The following CPZ variants were observed in gnomAD, a reference collection of about 807,000 sequenced individuals.
CPZ encodes the protein carboxypeptidase Z.
CPZ carries 103 observed loss-of-function variants against 61.8 expected under a neutral mutation model. The observed-to-expected ratio is 1.67, with a 90% CI of 1.42 to 1.96. CPZ has a LOEUF of 1.96. CPZ is among the 30% of genes most tolerant of loss of function. The pLI, the probability that CPZ is intolerant of heterozygous loss-of-function variation, is 0.00. For synonymous variants in CPZ, 551 were observed against 373.7 expected (o/e 1.47, Z -5.47); for missense variants, 1,461 against 914.9 (o/e 1.60, Z -7.70).
At position 8,607,383 on chromosome 4, in the gene CPZ, C is replaced by A. The variant is rs961343700; in HGVS notation, c.1185C>A (p.His395Gln). The stretch of plus-strand genomic sequence containing the variant: ...CCTACCCCTTCGACTTCTCCAAGCA[C>A]CCCCAGGAGGAGAAGATGTTTTCTC... ...VVSYPFDFSK[H>Q]PQEEKMFSPT... The change falls in exon 7 of 11, where the codon CAC becomes CAA. Residue 395 changes from histidine to glutamine, a missense_variant. Physicochemically the swap from His to Gln is conservative, Grantham distance 24. Coordinates refer to ENST00000360986, the MANE Select transcript of CPZ (RefSeq NM_001014447.3). The A allele has an allele frequency of 1.9e-6, 3 of 1,614,062 alleles. No homozygotes were observed. Among genetic ancestry groups the A allele is most frequent in the Non-Finnish European group, 2.5e-6 (3 of 1,179,962 alleles).
At chr4:8,611,848 C>T (rs1203831254) in intron 7 of CPZ, among the ~76,000 whole-genome samples, 179 bp from the exon 8 acceptor site, 1 of 152,026 alleles carries the variant, frequency 6.6e-6, no homozygotes, top group Non-Finnish European at 1.5e-5. Context: ...ACCTCTGGGC[C>T]TTCACATACA....
intron 1 of CPZ, among the ~76,000 whole-genome samples, chr4:8,593,247 A>G (rs886703104): frequency 6.6e-6 from 1 of 152,182 alleles, no homozygotes; most frequent in African/African-American, 2.4e-5. Context: ...TCGAGGGAGC[A>G]GGTGCCAGGA....
intron 3 of CPZ, chr4:8,601,834 C>A: frequency 4.3e-6 from 1 of 231,164 alleles, no homozygotes. Flanking sequence ...TGTGGGGGAG[C>A]CTGGGCTCAG....
intron 7 of CPZ, 142 bp downstream of exon 7, chr4:8,607,567 A>T: frequency 1.1e-6 from 1 of 929,506 alleles, no homozygotes; most frequent in Non-Finnish European, 1.6e-6. Context: ...CACCTGCTCC[A>T]GGCCCAGCTC....
chr4:8,618,417 T>A lies in CPZ; in HGVS notation c.1504-12T>A, dbSNP rs765517491. The A allele has an allele frequency of 3.1e-6, 5 of 1,613,592 alleles. No individual in the cohort carries two copies. Among genetic ancestry groups the A allele is most frequent in the Non-Finnish European group, 3.4e-6 (4 of 1,179,736 alleles). On this transcript the variant is annotated splice_polypyrimidine_tract_variant and intron_variant, in intron 9 of 10. Coordinates refer to ENST00000360986, the MANE Select transcript of CPZ (RefSeq NM_001014447.3). Reference sequence around the variant, plus strand: ...TCACGCCATCTCCCTGGCCTCCCCTTGGTCTCTTCAGGTGCACCGGGGCAT... The same window carrying A: ...TCACGCCATCTCCCTGGCCTCCCCTAGGTCTCTTCAGGTGCACCGGGGCAT...
intron 6 of CPZ, 27 bp from the exon 7 acceptor site, chr4:8,607,240 G>C (rs771049806): frequency 5.6e-6 from 9 of 1,609,676 alleles, no homozygotes; most frequent in Non-Finnish European, 5.9e-6. Flanking sequence ...GCCCAGCCCT[G>C]AGGGCGGCCT....
chr4:8,605,532 TTATCCATC>T (rs1431893869), intron 4 of CPZ, among the ~76,000 whole-genome samples: 5 of 149,560 alleles, frequency 3.3e-5, no homozygotes, highest in Non-Finnish European at 2.9e-5. Flanking sequence ...CATCATTGAT[TTATCCATC>T]TATCCATTCA....
rs115078497 is a variant in CPZ, at chr4:8,608,775, C to T, written c.1227+1350C>T. ...GTCTCCACAGGTGAGGTAGAGATTT[C>T]CAGCTGCAGGGCAGGGAGGGGCACT... On this transcript the variant is annotated intron_variant, in intron 7 of 10. Coordinates refer to ENST00000360986, the MANE Select transcript of CPZ (RefSeq NM_001014447.3). 5.3e-3 allele frequency among the ~76,000 whole-genome samples: 757 copies of T among 143,324 alleles called. 4 individuals carry two copies. Among genetic ancestry groups the T allele is most frequent in the African/African-American group, 0.018 (717 of 40,890 alleles). The allele number at this position is 143,324 out of a possible 152,430, so 94.0% of individuals were successfully genotyped here.
At position 8,619,716 on chromosome 4, in the gene CPZ, G is replaced by T; in HGVS notation, c.*99G>T. On this transcript the variant is annotated 3_prime_UTR_variant, in exon 11 of 11. Transcript: ENST00000360986. ...TTGTCTGCCACAGACATCCCACAAA[G>T]CCGCTGCCATTTTATTAAAGTGTTT... 1.1e-6 allele frequency: 1 copy of T among 891,426 alleles called. No homozygotes were observed. The highest frequency in any genetic ancestry group is 1.6e-6 in the Non-Finnish European group (1 of 620,408). 55.2% of individuals were successfully genotyped at this position (891,426 alleles called of 1,614,324 possible). A position where few individuals can be genotyped will look rare whatever the true frequency, so the allele number is the denominator to read the frequency against.
rs372440409 is a variant in CPZ at position 8,607,266 on chromosome 4, G to C, written c.1069-1G>C. The stretch of plus-strand genomic sequence containing the variant: ...AGGGCGGCCTCGTCTGTCCTGGGCA[G>C]GTGGCCCCGGAGACAAAGGCAATCA... On this transcript the variant is annotated splice_acceptor_variant, in intron 6 of 10. Coordinates refer to ENST00000360986, the MANE Select transcript of CPZ (RefSeq NM_001014447.3). LOFTEE classifies it high-confidence loss of function. 6.4e-5 allele frequency: 103 copies of C among 1,613,828 alleles called. 1 individual carries two copies. The South Asian group carries it at 7.1e-4, about 11-fold the overall frequency.
At chr4:8,606,979 C>CCCAGGGAAGGACAA in intron 6 of CPZ, 81 bp downstream of exon 6, 1 of 1,471,416 alleles carries the variant, frequency 6.8e-7, no homozygotes, top group Non-Finnish European at 9.1e-7. Flanking sequence ...TGGAGTTGTC[C>CCCAGGGAAGGACAA]TTCCCTGGGG....
At chr4:8,611,561 G>T (rs1433130406) in intron 7 of CPZ, among the ~76,000 whole-genome samples, 1 of 152,212 alleles carries the variant, frequency 6.6e-6, no homozygotes, top group Non-Finnish European at 1.5e-5. Context: ...GAGGTGGAGT[G>T]GGGTGGGGAA....
intron 9 of CPZ, 151 bp downstream of exon 9, chr4:8,614,649 T>A: frequency 1.2e-6 from 1 of 808,466 alleles, no homozygotes; most frequent in Non-Finnish European, 1.9e-6. Context: ...CTGTCCACCA[T>A]GCACAACTTG....
rs368218274 is a variant in CPZ at position 8,607,125 on chromosome 4, G to T, written c.1069-142G>T. The T allele has an allele frequency of 4.2e-4, 474 of 1,130,350 alleles. 1 individual carries two copies. In the African/African-American group the frequency reaches 6.5e-3, roughly 16 times the overall value. The allele number at this position is 1,130,350 out of a possible 1,614,324, so 70.0% of individuals were successfully genotyped here. On this transcript the variant is annotated intron_variant, in intron 6 of 10. Coordinates refer to ENST00000360986, the MANE Select transcript of CPZ (RefSeq NM_001014447.3). ...ATCCCCGCAGGGGCCCAGTGATGGGGGCCGAGTCCAGCTGGTGCGTTGATG... is the reference window on the plus strand; with the variant it reads ...ATCCCCGCAGGGGCCCAGTGATGGGTGCCGAGTCCAGCTGGTGCGTTGATG...
chr4:8,595,449 C>T (rs11930657), intron 1 of CPZ, among the ~76,000 whole-genome samples: 2 of 152,220 alleles, frequency 1.3e-5, no homozygotes, highest in South Asian at 2.1e-4. Context: ...AGGGCAGGTG[C>T]GGCCTGGGAG....
At chr4:8,610,937 A>C (rs188019411) in intron 7 of CPZ, among the ~76,000 whole-genome samples, 2 of 151,870 alleles carry the variant, frequency 1.3e-5, no homozygotes, top group Non-Finnish European at 2.9e-5. Flanking sequence ...GACCCCCACC[A>C]GGGAGAGATC....
intron 9 of CPZ, among the ~76,000 whole-genome samples, chr4:8,616,582 G>C (rs1479558267): frequency 1.3e-5 from 2 of 152,126 alleles, no homozygotes; most frequent in African/African-American, 4.8e-5. Flanking sequence ...GGAGGAGTGT[G>C]AGCTGTGTTT....
chr4:8,614,573 C>G, intron 9 of CPZ, 75 bp downstream of exon 9: 2 of 1,524,020 alleles, frequency 1.3e-6, no homozygotes, highest in African/African-American at 1.4e-5. Flanking sequence ...GCCCCCAGGG[C>G]AGCCCCCGTA....
chr4:8,612,098 T>G lies in CPZ; in HGVS notation c.1299T>G (p.Cys433Trp). Residue 433 changes from cysteine to tryptophan, a missense_variant, in exon 8 of 11, where the codon TGT becomes TGG. Physicochemically the swap from Cys to Trp is radical, Grantham distance 215. Transcript: ENST00000360986. ...PMMMDRSENR[C>W]GGNFLKRGSI... ...TGATGGACAGGTCGGAGAATAGGTG[T>G]GGAGGCAATTTCCTGAAGAGGGGGA... 1 of 1,610,930 alleles carries G rather than the reference T, an allele frequency of 6.2e-7. No homozygotes were observed. The highest frequency in any genetic ancestry group is 8.5e-7 in the Non-Finnish European group (1 of 1,179,232).
Sources: gnomAD v4.1 joint callset for allele counts (sites outside exome capture counted in the v4.1 genomes callset) on GRCh38, gnomAD v4.1.1 for gene constraint, MANE v1.5 for transcripts, NCBI Gene and HGNC (gene_info 2026-07-23, HGNC 2026-07-21) for gene names.